The following ARSB variants were observed in gnomAD, a reference collection of about 807,000 sequenced individuals.
The protein encoded by ARSB is arylsulfatase B.
In ARSB, 41 loss-of-function variants were observed where a neutral mutation model predicts 50.9. The ratio of observed to expected loss-of-function variants is 0.81; its 90% confidence interval spans 0.63 to 1.04. ARSB has a LOEUF of 1.04. ARSB is among the 50% of genes least tolerant of loss of function. The probability of loss-of-function intolerance (pLI) is 0.00; values close to 1 mark genes in which losing one functional copy is unlikely to be tolerated. For missense variants in ARSB, 672 were observed against 693.3 expected, an observed-to-expected ratio of 0.97 and a Z score of 0.35; for synonymous variants, 269 against 284.8, an observed-to-expected ratio of 0.94 and a Z score of 0.56.
At chr5:78,797,525 T>G (rs945076385) in intron 6 of ARSB, among the ~76,000 whole-genome samples, 1 of 152,210 alleles carries the variant, frequency 6.6e-6, no homozygotes, top group African/African-American at 2.4e-5. Flanking sequence ...GTATTTCACA[T>G]AGGGATATTG....
Position 78,779,911 on chromosome 5 carries a change from T to A in ARSB, c.*486A>T, listed in dbSNP as rs1259024942. ...TAAGGGGTGAACCAAGAGGGGTGGT[T>A]CACTTGGAGTGCCTGAACATGATCC... On this transcript the variant is annotated 3_prime_UTR_variant, in exon 8 of 8. Coordinates refer to ENST00000264914, the MANE Select transcript of ARSB (RefSeq NM_000046.5). The A allele has an allele frequency of 1.6e-5, 3 of 192,022 alleles. No homozygotes were observed. Among genetic ancestry groups the A allele is most frequent in the African/African-American group, 7.1e-5 (3 of 42,358 alleles). 11.9% of individuals were successfully genotyped at this position (192,022 alleles called of 1,614,324 possible).
intron 4 of ARSB, among the ~76,000 whole-genome samples, chr5:78,939,779 T>A (rs1750814409): frequency 6.6e-6 from 1 of 152,174 alleles, no homozygotes; most frequent in African/African-American, 2.4e-5. Context: ...TGATTTATAA[T>A]CCTTTGGGTA....
intron 6 of ARSB, chr5:78,815,863 A>G: frequency 1.4e-6 from 2 of 1,384,122 alleles, no homozygotes; most frequent in Admixed American, 5.9e-5. Flanking sequence ...ATAAGAAATG[A>G]CCCATCTGTG....
chr5:78,830,404 A>G (rs1334180342), intron 6 of ARSB, among the ~76,000 whole-genome samples: 1 of 152,222 alleles, frequency 6.6e-6, no homozygotes, highest in Non-Finnish European at 1.5e-5. Context: ...TGGCTCAGAG[A>G]AGCCCTAGAA....
At chr5:78,829,078 A>C (rs967289805) in intron 6 of ARSB, among the ~76,000 whole-genome samples, 4 of 152,250 alleles carry the variant, frequency 2.6e-5, no homozygotes, top group African/African-American at 9.6e-5. Flanking sequence ...TAGAAGCAGG[A>C]AAAGGCAAGG....
At chr5:78,804,676 T>A (rs1035328191) in intron 6 of ARSB, among the ~76,000 whole-genome samples, 1 of 152,092 alleles carries the variant, frequency 6.6e-6, no homozygotes, top group Non-Finnish European at 1.5e-5. Flanking sequence ...GAGACAAAAA[T>A]GGGTGGTTCC....
At chr5:78,933,718 G>A (rs1750450011) in intron 4 of ARSB, among the ~76,000 whole-genome samples, 1 of 152,160 alleles carries the variant, frequency 6.6e-6, no homozygotes, top group South Asian at 2.1e-4. Flanking sequence ...GTGACTGCAT[G>A]GAATTATGGT....
intron 4 of ARSB, among the ~76,000 whole-genome samples, chr5:78,922,206 G>C (rs958370963): frequency 2.0e-5 from 3 of 151,576 alleles, no homozygotes; most frequent in Admixed American, 1.3e-4. Flanking sequence ...ATTTGGTGGG[G>C]GGGGAGGAGG....
At chr5:78,860,396 T>C (rs1746375238) in intron 5 of ARSB, among the ~76,000 whole-genome samples, 1 of 152,126 alleles carries the variant, frequency 6.6e-6, no homozygotes, top group African/African-American at 2.4e-5. Context: ...AGAACAGAAA[T>C]TATAACAAAC....
In ARSB at chr5:78,815,880, T is replaced by C. The variant is rs768985684; in HGVS notation, c.1213+23476A>G. 6.9e-5 allele frequency: 98 copies of C among 1,415,174 alleles called. 6 individuals carry two copies. The highest frequency in any genetic ancestry group is 8.7e-5 in the Non-Finnish European group (95 of 1,088,466). 87.7% of individuals were successfully genotyped at this position (1,415,174 alleles called of 1,614,324 possible). A position where few individuals can be genotyped will look rare whatever the true frequency, so the allele number is the denominator to read the frequency against. On this transcript the variant is annotated intron_variant, in intron 6 of 7. Coordinates refer to ENST00000264914, the MANE Select transcript of ARSB (RefSeq NM_000046.5). ...AAGAAATGACCCATCTGTGGTAGTT[T>C]ATGGTTGATCTAAGTAAGACAGCCT...
intron 6 of ARSB, chr5:78,815,909 G>A: frequency 2.0e-6 from 3 of 1,476,472 alleles, no homozygotes; most frequent in South Asian, 1.4e-5. Flanking sequence ...ACAGCCTCCT[G>A]GGGCCCCTTC....
intron 5 of ARSB, among the ~76,000 whole-genome samples, chr5:78,848,819 A>C (rs1391309158): frequency 2.6e-5 from 4 of 152,228 alleles, no homozygotes; most frequent in Non-Finnish European, 4.4e-5. Flanking sequence ...TCTGATGGCC[A>C]GTAATGATGA....
At chr5:78,794,733 G>A (rs1472863834) in intron 6 of ARSB, among the ~76,000 whole-genome samples, 1 of 152,178 alleles carries the variant, frequency 6.6e-6, no homozygotes, top group Non-Finnish European at 1.5e-5. Flanking sequence ...CCAAAATTAG[G>A]TGAGGCCACT....
At chr5:78,866,857 G>C (rs1001323256) in intron 5 of ARSB, among the ~76,000 whole-genome samples, 2 of 152,236 alleles carry the variant, frequency 1.3e-5, no homozygotes, top group East Asian at 1.9e-4. Flanking sequence ...ACGGCTCCCA[G>C]CATGAGCGAC....
At chr5:78,841,153 C>A (rs1303388687) in intron 5 of ARSB, among the ~76,000 whole-genome samples, 11 of 105,362 alleles carry the variant, frequency 1.0e-4, no homozygotes, top group African/African-American at 3.9e-4. Flanking sequence ...ACTACTACTA[C>A]TACTACTACT....
intron 5 of ARSB, among the ~76,000 whole-genome samples, chr5:78,853,390 T>C (rs1231498714): frequency 6.6e-6 from 1 of 152,230 alleles, no homozygotes; most frequent in African/African-American, 2.4e-5. Flanking sequence ...GAACCATGAA[T>C]GCTGCTGTCT....
chr5:78,953,741 C>T (rs892552333), intron 4 of ARSB, among the ~76,000 whole-genome samples: 1 of 151,912 alleles, frequency 6.6e-6, no homozygotes, highest in African/African-American at 2.4e-5. Context: ...TTTGAGAAAA[C>T]CAAACCACTC....
intron 4 of ARSB, among the ~76,000 whole-genome samples, chr5:78,936,842 G>A (rs1750628832): frequency 6.6e-6 from 1 of 152,134 alleles, no homozygotes; most frequent in African/African-American, 2.4e-5. Flanking sequence ...TGTCTTTGTA[G>A]ATTCTATATC....
chr5:78,848,755 T>C (rs1215872188), intron 5 of ARSB, among the ~76,000 whole-genome samples: 2 of 152,200 alleles, frequency 1.3e-5, no homozygotes, highest in African/African-American at 2.4e-5. Flanking sequence ...TTTTAATGAT[T>C]GCCATTCTAA....
Sources: allele counts gnomAD v4.1 joint callset (sites outside exome capture counted in the v4.1 genomes callset), GRCh38; gene constraint gnomAD v4.1.1; transcripts MANE v1.5; gene names NCBI Gene and HGNC (gene_info 2026-07-23, HGNC 2026-07-21).